The following PLA2R1 variants were observed in gnomAD, a reference collection of about 807,000 sequenced individuals.
PLA2R1 encodes secretory phospholipase A2 receptor.
A neutral mutation model predicts 195.9 loss-of-function variants in PLA2R1; 158 were observed. The ratio of observed to expected loss-of-function variants is 0.81; its 90% CI spans 0.71 to 0.92. The LOEUF (loss-of-function observed/expected upper bound fraction) is 0.92, where lower values mean the gene tolerates loss of function less well. Among genes scored for constraint, PLA2R1 ranks in the 40% least tolerant of loss-of-function variants. The probability of loss-of-function intolerance (pLI) is 0.00; values close to 1 mark genes in which losing one functional copy is unlikely to be tolerated. For missense variants in PLA2R1, 1,626 were observed against 1,764.6 expected, an observed-to-expected ratio of 0.92 and a Z score of 1.41; for synonymous variants, 586 against 598.2, an observed-to-expected ratio of 0.98 and a Z score of 0.30.
intron 11 of PLA2R1, among the ~76,000 whole-genome samples, chr2:159,995,451 T>C (rs1208271652): frequency 6.6e-6 from 1 of 152,088 alleles, no homozygotes; most frequent in East Asian, 1.9e-4. Context: ...ACTCAAAATG[T>C]ATTAATTTAT....
intron 6 of PLA2R1, among the ~76,000 whole-genome samples, chr2:160,025,582 A>G (rs1693454483): frequency 7.4e-6 from 1 of 134,484 alleles, no homozygotes; most frequent in Non-Finnish European, 1.6e-5. Flanking sequence ...CATGGTAACC[A>G]TAAAGCAAAA....
chr2:160,025,906 T>C (rs575380050), intron 6 of PLA2R1, among the ~76,000 whole-genome samples: 17 of 152,158 alleles, frequency 1.1e-4, no homozygotes, highest in Non-Finnish European at 2.2e-4. Flanking sequence ...AGGATACAAG[T>C]AGCAGATATG....
chr2:160,043,305 G>A lies in PLA2R1; in HGVS notation c.494-1107C>T, dbSNP rs145518220. ...CATAGGGAGAGGGTGAAGCGAGACA[G>A]CTGGCTGGGTGGCTTCTCAGTGGTC... On this transcript the variant is annotated intron_variant, in intron 2 of 29. Coordinates refer to ENST00000283243, the MANE Select transcript of PLA2R1 (RefSeq NM_007366.5). 5.3e-5 allele frequency among the ~76,000 whole-genome samples: 8 copies of A among 152,270 alleles called. No homozygotes were observed. In the East Asian group the frequency reaches 1.5e-3, roughly 29 times the overall value.
At chr2:159,931,586 C>T (rs187726290), downstream of PLA2R1, among the ~76,000 whole-genome samples, 1 of 152,286 alleles carries the variant, frequency 6.6e-6, no homozygotes, top group Non-Finnish European at 1.5e-5. Context: ...CAGGGTCTCA[C>T]TCTGTTGCCC....
chr2:160,043,507 C>A (rs1324923186), intron 2 of PLA2R1, among the ~76,000 whole-genome samples: 1 of 152,148 alleles, frequency 6.6e-6, no homozygotes, highest in African/African-American at 2.4e-5. Context: ...ACCTCTTTCC[C>A]ACAATTGGCA....
At chr2:159,953,179 C>A (rs531049055) in intron 23 of PLA2R1, among the ~76,000 whole-genome samples, 18 of 152,260 alleles carry the variant, frequency 1.2e-4, no homozygotes, top group African/African-American at 4.3e-4. Context: ...TAATTGATTC[C>A]ATTAAGTTTC....
At chr2:160,026,114 C>T (rs967422261) in intron 6 of PLA2R1, among the ~76,000 whole-genome samples, 2 of 152,102 alleles carry the variant, frequency 1.3e-5, no homozygotes, top group East Asian at 3.8e-4. Flanking sequence ...TATCCTATGA[C>T]ATCATGTTGA....
chr2:159,926,218 C>T, the PLA2R1 span, among the ~76,000 whole-genome samples: 1 of 152,126 alleles, frequency 6.6e-6, no homozygotes, highest in South Asian at 2.1e-4. Flanking sequence ...GATAAGCTAC[C>T]TCATGTATTA....
chr2:159,983,391 T>C (rs6758012), intron 13 of PLA2R1, among the ~76,000 whole-genome samples: 4,149 of 152,024 alleles, frequency 0.027, 170 homozygotes, highest in African/African-American at 0.089. Context: ...AAGGGAAAGC[T>C]TGTTTCCTCA....
At chr2:160,000,376 T>G (rs970572230) in intron 11 of PLA2R1, among the ~76,000 whole-genome samples, 2 of 152,216 alleles carry the variant, frequency 1.3e-5, no homozygotes, top group African/African-American at 4.8e-5. Context: ...ATCGAATTCA[T>G]GCTACCTATG....
intron 1 of PLA2R1, among the ~76,000 whole-genome samples, chr2:160,052,412 C>T (rs1054860358): frequency 2.0e-5 from 3 of 152,204 alleles, no homozygotes; most frequent in Non-Finnish European, 4.4e-5. Context: ...ATCTCTCTTC[C>T]GTGATTCTTT....
intron 1 of PLA2R1, among the ~76,000 whole-genome samples, chr2:160,053,800 C>G (rs756313241): frequency 6.6e-6 from 1 of 152,202 alleles, no homozygotes; most frequent in Non-Finnish European, 1.5e-5. Flanking sequence ...ACAGGGGACA[C>G]CAGGCAGAAT....
At chr2:160,052,436 A>G (rs1485145554) in intron 1 of PLA2R1, among the ~76,000 whole-genome samples, 2 of 152,224 alleles carry the variant, frequency 1.3e-5, no homozygotes, top group East Asian at 3.8e-4. Flanking sequence ...AGACCTCTGT[A>G]TCTTACCAAT....
intron 12 of PLA2R1, among the ~76,000 whole-genome samples, chr2:159,984,328 A>T (rs1560176515): frequency 6.6e-6 from 1 of 151,958 alleles, no homozygotes; most frequent in African/African-American, 2.4e-5. Flanking sequence ...TTTTTGAGGA[A>T]TTTTTTTTCA....
intron 11 of PLA2R1, among the ~76,000 whole-genome samples, chr2:159,995,514 C>A (rs138411965): frequency 3.3e-5 from 5 of 152,012 alleles, no homozygotes; most frequent in African/African-American, 9.6e-5. Context: ...AGAAATGATA[C>A]CTAAACTTTT....
chr2:159,992,843 A>G (rs1398818204), intron 11 of PLA2R1, among the ~76,000 whole-genome samples: 2 of 152,064 alleles, frequency 1.3e-5, no homozygotes, highest in South Asian at 2.1e-4. Flanking sequence ...GCAGATTTCC[A>G]TGGGTTTGGA....
chr2:159,928,313 A>G (rs1263734432), downstream of PLA2R1, among the ~76,000 whole-genome samples: 1 of 152,180 alleles, frequency 6.6e-6, no homozygotes, highest in African/African-American at 2.4e-5. Flanking sequence ...GACTGCCCAC[A>G]CCTATGCACC....
chr2:160,052,477 C>G (rs766016369), intron 1 of PLA2R1, among the ~76,000 whole-genome samples: 7 of 152,206 alleles, frequency 4.6e-5, no homozygotes, highest in Non-Finnish European at 7.4e-5. Flanking sequence ...AAACATTTTT[C>G]TTCCTTTTAG....
At chr2:160,006,027 G>T (rs1173919180) in intron 10 of PLA2R1, among the ~76,000 whole-genome samples, 6 of 152,156 alleles carry the variant, frequency 3.9e-5, no homozygotes, top group Admixed American at 6.5e-5. Flanking sequence ...ATATGAGTGA[G>T]CAGAATCTGA....
Sources: gnomAD v4.1 joint callset for allele counts (sites outside exome capture counted in the v4.1 genomes callset) on GRCh38, gnomAD v4.1.1 for gene constraint, MANE v1.5 for transcripts, NCBI Gene and HGNC (gene_info 2026-07-23, HGNC 2026-07-21) for gene names.